The following HCN1 variants were observed in gnomAD, a reference collection of about 807,000 sequenced individuals.
HCN1 encodes hyperpolarization activated cyclic nucleotide gated potassium channel 1.
A neutral mutation model predicts 78.9 loss-of-function variants in HCN1; 13 were observed. The ratio of observed to expected loss-of-function variants is 0.16; its 90% CI spans 0.11 to 0.26. HCN1 has a LOEUF of 0.26. Among genes scored for constraint, HCN1 ranks in the 10% least tolerant of loss-of-function variants. The pLI is 1.00. For synonymous variants in HCN1, 552 were observed against 455.5 expected (o/e 1.21, Z -2.70); for missense variants, 810 against 1,154.3 (o/e 0.70, Z 4.32).
chr5:45,674,373 A>C (rs935739217), intron 1 of HCN1, among the ~76,000 whole-genome samples: 12 of 151,794 alleles, frequency 7.9e-5, no homozygotes, highest in Non-Finnish European at 1.3e-4. Flanking sequence ...ATGAATAAAA[A>C]GAGGAAAACA....
chr5:45,674,286 G>T (rs1291428187), intron 1 of HCN1, among the ~76,000 whole-genome samples: 2 of 151,348 alleles, frequency 1.3e-5, no homozygotes, highest in Non-Finnish European at 3.0e-5. Context: ...TTTATGAGGA[G>T]AACTTAGAAG....
intron 2 of HCN1, among the ~76,000 whole-genome samples, chr5:45,477,638 AAAC>A (rs879494950): frequency 3.3e-4 from 50 of 152,308 alleles, no homozygotes; most frequent in Non-Finnish European, 6.2e-4. Flanking sequence ...ATTCTTTGAA[AAAC>A]AACAATAACA....
At chr5:45,652,466 A>T (rs1013246893) in intron 1 of HCN1, among the ~76,000 whole-genome samples, 7 of 151,280 alleles carry the variant, frequency 4.6e-5, no homozygotes, top group African/African-American at 1.7e-4. Context: ...ATTCTACCCA[A>T]CTCTTCTTCC....
intron 2 of HCN1, among the ~76,000 whole-genome samples, chr5:45,608,665 C>T (rs1437476036): frequency 6.6e-6 from 1 of 151,712 alleles, no homozygotes; most frequent in African/African-American, 2.4e-5. Flanking sequence ...TGACATAACC[C>T]ATCATGAAAG....
chr5:45,576,954 TGCAAACTTAAA>T (rs923840554), intron 2 of HCN1, among the ~76,000 whole-genome samples: 1 of 152,060 alleles, frequency 6.6e-6, no homozygotes, highest in Non-Finnish European at 1.5e-5. Context: ...TAACCCTCTA[TGCAAACTTAAA>T]GCATTCTTTT....
intron 2 of HCN1, among the ~76,000 whole-genome samples, chr5:45,472,104 C>T (rs1251590193): frequency 6.6e-6 from 1 of 151,878 alleles, no homozygotes; most frequent in East Asian, 1.9e-4. Context: ...ATCTCTCACC[C>T]TTGTTCTGTA....
chr5:45,470,551 A>G (rs773059430), intron 2 of HCN1, among the ~76,000 whole-genome samples: 4 of 151,956 alleles, frequency 2.6e-5, no homozygotes, highest in Non-Finnish European at 5.9e-5. Flanking sequence ...AGGCATCATA[A>G]TGCTCCACCA....
chr5:45,657,592 A>C (rs942136703), intron 1 of HCN1, among the ~76,000 whole-genome samples: 22 of 152,180 alleles, frequency 1.4e-4, no homozygotes, highest in Admixed American at 1.4e-3. Context: ...CTTTTTAAAG[A>C]TATGGCTTCT....
chr5:45,677,025 A>G (rs886733846), intron 1 of HCN1, among the ~76,000 whole-genome samples: 2 of 151,828 alleles, frequency 1.3e-5, no homozygotes, highest in African/African-American at 2.4e-5. Flanking sequence ...TTAACTTGCC[A>G]AGTATTCAGT....
intron 5 of HCN1, among the ~76,000 whole-genome samples, chr5:45,312,290 T>C (rs939329440): frequency 1.3e-5 from 2 of 152,210 alleles, no homozygotes; most frequent in African/African-American, 4.8e-5. Flanking sequence ...TGAAACAGCA[T>C]AATACAAGAA....
intron 4 of HCN1, among the ~76,000 whole-genome samples, chr5:45,359,048 T>C (rs891934906): frequency 1.6e-4 from 24 of 152,098 alleles, no homozygotes; most frequent in African/African-American, 5.1e-4. Flanking sequence ...TATAAAAGCA[T>C]CAATGATTGG....
intron 4 of HCN1, among the ~76,000 whole-genome samples, chr5:45,355,480 T>C (rs1746989829): frequency 6.6e-6 from 1 of 151,982 alleles, no homozygotes; most frequent in African/African-American, 2.4e-5. Context: ...AATTTCATAA[T>C]CGCTGCTATA....
chr5:45,318,181 A>T (rs1746040517), intron 5 of HCN1, among the ~76,000 whole-genome samples: 1 of 152,206 alleles, frequency 6.6e-6, no homozygotes, highest in Admixed American at 6.5e-5. Flanking sequence ...TCCATCAATG[A>T]TAGACTGGAT....
chr5:45,351,710 G>C (rs1378121603), intron 5 of HCN1, among the ~76,000 whole-genome samples: 3 of 146,956 alleles, frequency 2.0e-5, no homozygotes, highest in Non-Finnish European at 4.4e-5. Context: ...TCAAAAAGTG[G>C]GCAAAGGACA....
intron 2 of HCN1, among the ~76,000 whole-genome samples, chr5:45,569,852 C>G (rs1023701771): frequency 3.8e-4 from 58 of 152,160 alleles, no homozygotes; most frequent in African/African-American, 1.3e-3. Context: ...TTATCCTCAT[C>G]ATCATCATCC....
intron 3 of HCN1, among the ~76,000 whole-genome samples, chr5:45,451,893 T>A (rs1370755097): frequency 6.6e-6 from 1 of 152,044 alleles, no homozygotes; most frequent in African/African-American, 2.4e-5. Flanking sequence ...TTGATCACAG[T>A]AGCAAAGGGT....
chr5:45,502,234 G>A (rs1742205434), intron 2 of HCN1, among the ~76,000 whole-genome samples: 1 of 151,662 alleles, frequency 6.6e-6, no homozygotes, highest in Non-Finnish European at 1.5e-5. Context: ...TTGGGAGGCC[G>A]AGGCGGGCGG....
intron 1 of HCN1, among the ~76,000 whole-genome samples, chr5:45,674,452 T>C (rs1384178672): frequency 3.3e-5 from 5 of 151,732 alleles, no homozygotes; most frequent in Non-Finnish European, 5.9e-5. Flanking sequence ...AGTATTTGTT[T>C]ATAATTTTAT....
chr5:45,368,491 TC>T (rs1310150462), intron 4 of HCN1, among the ~76,000 whole-genome samples: 1 of 152,030 alleles, frequency 6.6e-6, no homozygotes, highest in African/African-American at 2.4e-5. Flanking sequence ...CTCTTCTATA[TC>T]AACATTAATT....
Sources: gnomAD v4.1 joint callset for allele counts (sites outside exome capture counted in the v4.1 genomes callset) on GRCh38, gnomAD v4.1.1 for gene constraint, MANE v1.5 for transcripts, NCBI Gene and HGNC (gene_info 2026-07-23, HGNC 2026-07-21) for gene names.